GALNT17: variants seen among roughly 807,000 people sequenced by gnomAD.
GALNT17 encodes the protein UDP-GalNAc:polypeptide N-acetylgalactosaminyltransferase-like 3.
A neutral mutation model predicts 63.7 loss-of-function variants in GALNT17; 29 were observed. The ratio of observed to expected loss-of-function variants is 0.46; its 90% CI spans 0.34 to 0.62. GALNT17 has a LOEUF of 0.62. Ranked by LOEUF, GALNT17 falls within the 20% of genes least tolerant of loss-of-function variation. GALNT17 has a pLI of 0.01. For synonymous variants in GALNT17, 305 were observed against 318.3 expected, an observed-to-expected ratio of 0.96 and a Z score of 0.45; for missense variants, 603 against 799.6, an observed-to-expected ratio of 0.75 and a Z score of 2.97.
intron 6 of GALNT17, among the ~76,000 whole-genome samples, chr7:71,585,361 C>A (rs1012207505): frequency 6.6e-6 from 1 of 152,118 alleles, no homozygotes; most frequent in African/African-American, 2.4e-5. Flanking sequence ...CTGCCTACAC[C>A]CATTAATTCA....
chr7:71,368,593 G>A (rs566393950), intron 2 of GALNT17, among the ~76,000 whole-genome samples: 15 of 152,076 alleles, frequency 9.9e-5, no homozygotes, highest in Non-Finnish European at 1.5e-4. Context: ...GTCTCTTGTC[G>A]CATTTATCCT....
chr7:71,693,183 AGTGTGTGTGTATATAGT>A (rs1435577308), intron 9 of GALNT17, among the ~76,000 whole-genome samples: 1 of 147,436 alleles, frequency 6.8e-6, no homozygotes, highest in East Asian at 2.3e-4. Context: ...TAATATAAAT[AGTGTGTGTGTATATAGT>A]GTGTGTATAT....
chr7:71,681,674 A>G (rs1344225622), intron 9 of GALNT17, among the ~76,000 whole-genome samples: 1 of 152,188 alleles, frequency 6.6e-6, no homozygotes, highest in Non-Finnish European at 1.5e-5. Flanking sequence ...TAACTCCCAG[A>G]CTTCTTTGTT....
intron 3 of GALNT17, among the ~76,000 whole-genome samples, chr7:71,400,296 C>T (rs1445306913): frequency 3.3e-5 from 5 of 152,102 alleles, no homozygotes; most frequent in African/African-American, 7.2e-5. Context: ...TGATGGTTTC[C>T]AGCTTCATCT....
intron 1 of GALNT17, among the ~76,000 whole-genome samples, chr7:71,200,313 CT>C (rs2116364606): frequency 6.6e-6 from 1 of 152,260 alleles, no homozygotes; most frequent in East Asian, 1.9e-4. Flanking sequence ...AGCATCTGCT[CT>C]GGGTCAGCCT....
intron 6 of GALNT17, among the ~76,000 whole-genome samples, chr7:71,660,781 T>G (rs1434025382): frequency 2.6e-5 from 4 of 152,190 alleles, no homozygotes; most frequent in African/African-American, 7.2e-5. Context: ...TTTCTTGCAT[T>G]TCTTTCCATC....
chr7:71,394,371 A>G (rs1583915690), intron 3 of GALNT17, among the ~76,000 whole-genome samples: 1 of 152,244 alleles, frequency 6.6e-6, no homozygotes, highest in East Asian at 1.9e-4. Flanking sequence ...CACCTTCAAT[A>G]TTAGGGATCA....
intron 5 of GALNT17, among the ~76,000 whole-genome samples, chr7:71,422,254 G>A (rs1159428707): frequency 1.3e-5 from 2 of 151,986 alleles, no homozygotes; most frequent in Admixed American, 6.6e-5. Context: ...TGGCTATGTC[G>A]CATCTCCCTT....
chr7:71,203,495 T>C (rs1043548339), intron 1 of GALNT17, among the ~76,000 whole-genome samples: 4 of 152,268 alleles, frequency 2.6e-5, no homozygotes, highest in Non-Finnish European at 4.4e-5. Context: ...AGGTCATTTA[T>C]TTCTTTGCTC....
intron 1 of GALNT17, among the ~76,000 whole-genome samples, chr7:71,221,908 A>ATTTTTTTTTTTTTTTTTTTTTTTTTT (rs370780821): frequency 2.6e-5 from 3 of 114,684 alleles, no homozygotes; most frequent in Non-Finnish European, 5.3e-5. Flanking sequence ...CCTTATTTAG[A>ATTTTTTTTTTTTTTTTTTTTTTTTTT]TTTTTTTTTT....
chr7:71,575,384 T>C (rs1789518589), intron 6 of GALNT17, among the ~76,000 whole-genome samples: 1 of 89,028 alleles, frequency 1.1e-5, no homozygotes, highest in African/African-American at 4.6e-5. Flanking sequence ...GAGAACACTA[T>C]TTTCTTGATT....
At chr7:71,540,464 A>T (rs142757553) in intron 5 of GALNT17, among the ~76,000 whole-genome samples, 175 of 151,928 alleles carry the variant, frequency 1.2e-3, no homozygotes, top group Non-Finnish European at 1.9e-3. Flanking sequence ...TCATCTAGTA[A>T]ACAACTATGT....
intron 6 of GALNT17, among the ~76,000 whole-genome samples, chr7:71,635,405 C>G (rs1168892583): frequency 6.6e-6 from 1 of 152,188 alleles, no homozygotes; most frequent in Non-Finnish European, 1.5e-5. Context: ...CACTTCCCAT[C>G]ATGGCCTGAA....
chr7:71,230,963 T>G (rs1203687545), intron 1 of GALNT17, among the ~76,000 whole-genome samples: 1 of 152,108 alleles, frequency 6.6e-6, no homozygotes, highest in Non-Finnish European at 1.5e-5. Flanking sequence ...ACCAGCTCTC[T>G]GTGTCTGAAC....
intron 6 of GALNT17, among the ~76,000 whole-genome samples, chr7:71,587,754 G>GTAAA (rs1789740587): frequency 6.6e-6 from 1 of 151,992 alleles, no homozygotes. Flanking sequence ...GACTTAAAAT[G>GTAAA]TAAATTTCAG....
At chr7:71,137,739 G>C (rs1396551994) in intron 1 of GALNT17, among the ~76,000 whole-genome samples, 1 of 152,166 alleles carries the variant, frequency 6.6e-6, no homozygotes, top group Admixed American at 6.6e-5. Flanking sequence ...GATCCTTCGA[G>C]GCCCTCGGAA....
intron 6 of GALNT17, among the ~76,000 whole-genome samples, chr7:71,600,990 G>A (rs766195783): frequency 1.3e-5 from 2 of 151,996 alleles, no homozygotes; most frequent in Non-Finnish European, 1.5e-5. Flanking sequence ...TAGCTCCCAC[G>A]TATCAGTGAG....
intron 1 of GALNT17, among the ~76,000 whole-genome samples, chr7:71,172,335 C>T (rs1057318837): frequency 5.9e-5 from 9 of 151,678 alleles, no homozygotes; most frequent in Non-Finnish European, 8.8e-5. Flanking sequence ...TGTGCACCTG[C>T]GGACCCAGCT....
chr7:71,447,525 A>G (rs1787181874), intron 5 of GALNT17, among the ~76,000 whole-genome samples: 1 of 152,212 alleles, frequency 6.6e-6, no homozygotes, highest in South Asian at 2.1e-4. Flanking sequence ...GAGATTTGCA[A>G]CATGGGTCTC....
Sources: allele counts gnomAD v4.1 joint callset (sites outside exome capture counted in the v4.1 genomes callset), GRCh38; gene constraint gnomAD v4.1.1; transcripts MANE v1.5; gene names NCBI Gene and HGNC (gene_info 2026-07-23, HGNC 2026-07-21).